Variants in THSD4 observed in about 807,000 individuals in gnomAD.
THSD4 encodes the protein thrombospondin type 1 domain containing 4.
In THSD4, 69 loss-of-function variants were observed where a neutral mutation model predicts 119.0. The observed-to-expected ratio is 0.58, with a 90% CI of 0.48 to 0.71. THSD4 has a LOEUF of 0.71. Ranked by LOEUF, THSD4 falls within the 30% of genes least tolerant of loss-of-function variation. The pLI, the probability that THSD4 is intolerant of heterozygous loss-of-function variation, is 0.00. For synonymous variants in THSD4, 524 were observed against 540.4 expected, an observed-to-expected ratio of 0.97 and a Z score of 0.42; for missense variants, 1,393 against 1,391.1, an observed-to-expected ratio of 1.00 and a Z score of -0.02.
At chr15:71,108,185 T>C (rs2040281964) in intron 1 of THSD4, among the ~76,000 whole-genome samples, 1 of 152,044 alleles carries the variant, frequency 6.6e-6, no homozygotes, top group Non-Finnish European at 1.5e-5. Flanking sequence ...GGCCTGGAGG[T>C]GGGAGCTGTC....
chr15:71,249,373 T>C (rs753289024), intron 5 of THSD4, among the ~76,000 whole-genome samples: 2 of 151,474 alleles, frequency 1.3e-5, no homozygotes, highest in Non-Finnish European at 2.9e-5. Flanking sequence ...ACAGTTGTCA[T>C]TTTTCATGAT....
At chr15:71,455,569 C>G (rs1030021512) in intron 7 of THSD4, among the ~76,000 whole-genome samples, 7 of 152,076 alleles carry the variant, frequency 4.6e-5, no homozygotes, top group African/African-American at 1.7e-4. Context: ...AGACCCATCC[C>G]CAGCATTAGG....
chr15:71,717,653 T>C (rs999353294), intron 8 of THSD4, among the ~76,000 whole-genome samples: 8 of 149,496 alleles, frequency 5.4e-5, no homozygotes, highest in African/African-American at 7.4e-5. Context: ...GAACAGGGCA[T>C]AGACACTAAG....
At chr15:71,273,558 G>T (rs771501042) in intron 6 of THSD4, among the ~76,000 whole-genome samples, 1 of 152,094 alleles carries the variant, frequency 6.6e-6, no homozygotes, top group African/African-American at 2.4e-5. Flanking sequence ...TCACCACAAA[G>T]AAATAAGTAT....
chr15:71,174,188 C>A (rs980336778), intron 3 of THSD4, among the ~76,000 whole-genome samples: 3 of 152,126 alleles, frequency 2.0e-5, no homozygotes, highest in African/African-American at 7.2e-5. Context: ...CAGCTCCCAG[C>A]GTGAGCGACG....
chr15:71,702,376 A>G (rs1433337098), intron 8 of THSD4, among the ~76,000 whole-genome samples: 1 of 152,196 alleles, frequency 6.6e-6, no homozygotes, highest in East Asian at 1.9e-4. Context: ...TTTTTCACTT[A>G]AAGAGTCCTT....
intron 8 of THSD4, among the ~76,000 whole-genome samples, chr15:71,686,544 G>C (rs1395912219): frequency 6.6e-6 from 1 of 152,154 alleles, no homozygotes; most frequent in African/African-American, 2.4e-5. Context: ...CATGAAATCA[G>C]AACACATGGG....
At chr15:71,635,185 C>A (rs1446904455) in intron 7 of THSD4, among the ~76,000 whole-genome samples, 1 of 152,146 alleles carries the variant, frequency 6.6e-6, no homozygotes, top group Non-Finnish European at 1.5e-5. Context: ...TGTAGGACTT[C>A]ATTTTTCTGG....
At chr15:71,623,609 A>G (rs566633529) in intron 7 of THSD4, among the ~76,000 whole-genome samples, 2 of 152,188 alleles carry the variant, frequency 1.3e-5, no homozygotes, top group Non-Finnish European at 2.9e-5. Context: ...TCAATATTTC[A>G]TCAAAAAAGT....
chr15:71,116,307 G>T (rs759015030), intron 1 of THSD4, among the ~76,000 whole-genome samples: 3 of 152,244 alleles, frequency 2.0e-5, no homozygotes, highest in Non-Finnish European at 2.9e-5. Flanking sequence ...AAGTACCTGC[G>T]GCCCCTTGGC....
chr15:71,585,625 C>T (rs1379202241), intron 7 of THSD4, among the ~76,000 whole-genome samples: 1 of 152,150 alleles, frequency 6.6e-6, no homozygotes, highest in Non-Finnish European at 1.5e-5. Context: ...ATATCCTTCC[C>T]AGAATTGTAA....
intron 6 of THSD4, among the ~76,000 whole-genome samples, chr15:71,350,666 T>C (rs1034979903): frequency 6.6e-6 from 1 of 152,122 alleles, no homozygotes; most frequent in African/African-American, 2.4e-5. Flanking sequence ...CTAGAAAGAA[T>C]GGCCAACAAG....
intron 6 of THSD4, among the ~76,000 whole-genome samples, chr15:71,376,057 G>A (rs1273675064): frequency 6.6e-6 from 1 of 152,218 alleles, no homozygotes; most frequent in African/African-American, 2.4e-5. Flanking sequence ...GCTACTTGCA[G>A]TTGATTAATG....
intron 8 of THSD4, among the ~76,000 whole-genome samples, chr15:71,712,854 G>A (rs905076): frequency 0.71 from 107,700 of 152,094 alleles, 43,995 homozygotes; most frequent in South Asian, 0.93. Context: ...CTATGCTTCC[G>A]TTTGTTATGA....
Position 71,782,665 on chromosome 15 carries a change from T to C in THSD4, c.*5291T>C, listed in dbSNP as rs1004212857. On this transcript the variant is annotated 3_prime_UTR_variant, in exon 18 of 18. Transcript: ENST00000261862. ...TGATTGATGTCTTTTTCTCAGTCCA[T>C]AGTTACAATTGTTTAGTATGCTAAT... 6.6e-6 allele frequency: 1 copy of C among 152,214 alleles called. No individual in the cohort carries two copies. The highest frequency in any genetic ancestry group is 1.5e-5 in the Non-Finnish European group (1 of 68,040). 9.4% of individuals were successfully genotyped at this position (152,214 alleles called of 1,614,324 possible).
chr15:71,633,927 C>A (rs2050686480), intron 7 of THSD4, among the ~76,000 whole-genome samples: 1 of 152,168 alleles, frequency 6.6e-6, no homozygotes, highest in South Asian at 2.1e-4. Flanking sequence ...TGGCTCATGC[C>A]TGTAATCCCA....
chr15:71,548,947 T>C (rs1310250054), intron 7 of THSD4, among the ~76,000 whole-genome samples: 1 of 152,206 alleles, frequency 6.6e-6, no homozygotes, highest in Admixed American at 6.5e-5. Context: ...ATTATTCTTA[T>C]TAACAGCAAG....
intron 7 of THSD4, among the ~76,000 whole-genome samples, chr15:71,472,513 G>C (rs759523950): frequency 1.6e-4 from 24 of 152,044 alleles, no homozygotes; most frequent in Admixed American, 5.2e-4. Flanking sequence ...CACTCATATT[G>C]CCCATTAGAA....
chr15:71,101,702 G>GTTTCC (rs1389919263), intron 1 of THSD4, among the ~76,000 whole-genome samples: 4 of 150,048 alleles, frequency 2.7e-5, no homozygotes, highest in African/African-American at 9.9e-5. Flanking sequence ...TGGATTGGTA[G>GTTTCC]TTTTCTTTTC....
Sources: gnomAD v4.1 joint callset for allele counts (sites outside exome capture counted in the v4.1 genomes callset) on GRCh38, gnomAD v4.1.1 for gene constraint, MANE v1.5 for transcripts, NCBI Gene and HGNC (gene_info 2026-07-23, HGNC 2026-07-21) for gene names.